The following TRMT9B variants were observed in gnomAD, a reference collection of about 807,000 sequenced individuals.
The protein encoded by TRMT9B is tRNA methyltransferase 9B (putative), also known as probable tRNA methyltransferase 9B.
Under a neutral mutation model 11.5 loss-of-function variants are expected in TRMT9B, and 16 were observed. That is an observed-to-expected ratio of 1.39 (90% CI 0.94 to 2.11). The LOEUF (loss-of-function observed/expected upper bound fraction) is 2.11, where lower values mean the gene tolerates loss of function less well. Ranked by LOEUF, TRMT9B falls within the 30% of genes most tolerant of loss-of-function variation. TRMT9B has a pLI of 0.00. For synonymous variants in TRMT9B, 274 were observed against 192.4 expected, an observed-to-expected ratio of 1.42 and a Z score of -3.51; for missense variants, 941 against 553.8, an observed-to-expected ratio of 1.70 and a Z score of -7.02.
intron 2 of TRMT9B, among the ~76,000 whole-genome samples, chr8:12,994,472 C>T (rs963239369): frequency 3.3e-5 from 5 of 152,186 alleles, no homozygotes; most frequent in Non-Finnish European, 7.3e-5. Flanking sequence ...TTCCTTTCTT[C>T]CCTTCGGTAG....
intron 1 of TRMT9B, among the ~76,000 whole-genome samples, chr8:12,975,597 G>C (rs751081928): frequency 6.6e-6 from 1 of 152,060 alleles, no homozygotes; most frequent in Non-Finnish European, 1.5e-5. Flanking sequence ...AATTAGCTGG[G>C]TATGGTGGCA....
intron 2 of TRMT9B, among the ~76,000 whole-genome samples, chr8:12,993,704 T>A (rs1475531150): frequency 6.6e-6 from 1 of 152,260 alleles, no homozygotes; most frequent in Admixed American, 6.5e-5. Flanking sequence ...CCAGTCAGAG[T>A]CCCTTCATCC....
intron 3 of TRMT9B, chr8:13,011,706 G>C: frequency 1.0e-6 from 1 of 977,470 alleles, no homozygotes; most frequent in Non-Finnish European, 1.2e-6. Context: ...GAATTACTTA[G>C]GTCTCTGCTA....
intron 3 of TRMT9B, chr8:13,007,261 C>T (rs904268419): frequency 2.6e-5 from 4 of 152,132 alleles, no homozygotes; most frequent in African/African-American, 9.7e-5. Flanking sequence ...TATAGGAGCG[C>T]ATCTTTAATT....
chr8:13,008,150 C>T (rs1810850500), intron 3 of TRMT9B, among the ~76,000 whole-genome samples: 1 of 152,106 alleles, frequency 6.6e-6, no homozygotes, highest in Non-Finnish European at 1.5e-5. Flanking sequence ...TTAAAGACAC[C>T]TTCTTTACTA....
chr8:12,990,227 G>C (rs1241960630), intron 1 of TRMT9B, among the ~76,000 whole-genome samples: 2 of 152,116 alleles, frequency 1.3e-5, no homozygotes, highest in African/African-American at 2.4e-5. Flanking sequence ...TAGGGTCCAA[G>C]GTGTTATAGG....
chr8:13,009,940 A>G (rs1216724978), intron 3 of TRMT9B, among the ~76,000 whole-genome samples: 1 of 152,092 alleles, frequency 6.6e-6, no homozygotes, highest in Non-Finnish European at 1.5e-5. Flanking sequence ...CAGCCTGGAA[A>G]ACATGGTGAA....
intron 3 of TRMT9B, 84 bp from the exon 4 acceptor site, chr8:13,012,600 A>G: frequency 1.4e-6 from 2 of 1,448,980 alleles, no homozygotes; most frequent in Non-Finnish European, 1.9e-6. Context: ...ATAAAAGGTT[A>G]ATTATATTTC....
chr8:12,965,684 A>G (rs1485317344), intron 1 of TRMT9B, among the ~76,000 whole-genome samples: 1 of 152,008 alleles, frequency 6.6e-6, no homozygotes, highest in Non-Finnish European at 1.5e-5. Context: ...TTGTGGAGAC[A>G]GGCACAATGA....
chr8:13,021,293 A>T lies in TRMT9B; in HGVS notation c.614A>T (p.Glu205Val). The T allele has an allele frequency of 6.2e-7, 1 of 1,614,004 alleles. No individual in the cohort carries two copies. The highest frequency in any genetic ancestry group is 8.5e-7 in the Non-Finnish European group (1 of 1,179,880). ...TGTAGCTGTTCTGTTTGTTTTAAAGAGCAGTGTGGTTCAAAACGGTCCCAC... is the reference window on the plus strand; with the variant it reads ...TGTAGCTGTTCTGTTTGTTTTAAAGTGCAGTGTGGTTCAAAACGGTCCCAC... The part of the protein sequence containing the change: ...SECSCSVCFK[E>V]QCGSKRSHSV... Residue 205 changes from glutamate (E) to valine (V), a missense_variant, in exon 5 of 5, where the codon GAG (glutamate) becomes GTG (valine). Coordinates refer to ENST00000524591, the MANE Select transcript of TRMT9B (RefSeq NM_020844.3).
chr8:12,985,016 G>A (rs959854878), intron 1 of TRMT9B, among the ~76,000 whole-genome samples: 9 of 150,948 alleles, frequency 6.0e-5, no homozygotes, highest in African/African-American at 2.2e-4. Flanking sequence ...CCACCCAGAT[G>A]TTATCATGTT....
intron 2 of TRMT9B, among the ~76,000 whole-genome samples, chr8:12,992,474 G>T (rs775114980): frequency 5.3e-4 from 81 of 152,084 alleles, no homozygotes; most frequent in Admixed American, 1.4e-3. Context: ...GGAGGTGTAG[G>T]TTCTAGACTT....
intron 1 of TRMT9B, among the ~76,000 whole-genome samples, chr8:12,954,867 G>A (rs1175933578): frequency 6.6e-6 from 1 of 152,138 alleles, no homozygotes; most frequent in African/African-American, 2.4e-5. Flanking sequence ...CATTTTAAGA[G>A]TTTGAACTAG....
intron 1 of TRMT9B, among the ~76,000 whole-genome samples, chr8:12,970,663 T>A (rs1168446702): frequency 6.6e-6 from 1 of 152,202 alleles, no homozygotes; most frequent in Non-Finnish European, 1.5e-5. Flanking sequence ...TGGATTAAGG[T>A]CCTAAAAATA....
intron 1 of TRMT9B, among the ~76,000 whole-genome samples, chr8:12,963,100 A>C (rs10109878): frequency 3.9e-5 from 6 of 152,202 alleles, no homozygotes; most frequent in Non-Finnish European, 8.8e-5. Context: ...ATATTTTTAC[A>C]TGGAGCTTTT....
In TRMT9B at chr8:13,019,131, C is replaced by T. The variant is rs150640838; in HGVS notation, c.329-1877C>T. 1.5e-4 allele frequency among the ~76,000 whole-genome samples: 23 copies of T among 151,810 alleles called. No individual in the cohort carries two copies. The East Asian group carries it at 2.1e-3, about 14-fold the overall frequency. On this transcript the variant is annotated intron_variant, in intron 4 of 4. Coordinates refer to ENST00000524591, the MANE Select transcript of TRMT9B (RefSeq NM_020844.3). The stretch of plus-strand genomic sequence containing the variant: ...AATTTGGGGAGTATTGATTTGGGGG[C>T]GATTTGTTATCAAGTGGGCAAATTC...
chr8:12,969,631 A>G (rs957347169), intron 1 of TRMT9B, among the ~76,000 whole-genome samples: 55 of 151,486 alleles, frequency 3.6e-4, no homozygotes, highest in African/African-American at 1.3e-3. Flanking sequence ...TTTTCCTAAT[A>G]TTTTTTCTTT....
In TRMT9B at chr8:12,994,759, G is replaced by A. The variant is rs574998009; in HGVS notation, c.-2+3728G>A. On this transcript the variant is annotated intron_variant, in intron 2 of 4. Transcript: ENST00000524591. ...TGCAGTGGCACGATCTCAGCTCACT[G>A]CAACCTCCGCCTTTCGGGTTCAAGC... is the stretch of plus-strand genomic sequence containing the variant. Among the ~76,000 whole-genome samples, 508 of 152,268 alleles carry A rather than the reference G, an allele frequency of 3.3e-3. 5 individuals carry two copies. The highest frequency in any genetic ancestry group is 0.011 in the African/African-American group (469 of 41,562).
At chr8:12,980,194 C>A (rs2049145) in intron 1 of TRMT9B, among the ~76,000 whole-genome samples, 3 of 151,870 alleles carry the variant, frequency 2.0e-5, no homozygotes, top group Admixed American at 6.6e-5. Context: ...GGCCTGCTCC[C>A]TTTGAATTCT....
Sources: allele counts gnomAD v4.1 joint callset (sites outside exome capture counted in the v4.1 genomes callset), GRCh38; gene constraint gnomAD v4.1.1; transcripts MANE v1.5; gene names NCBI Gene and HGNC (gene_info 2026-07-23, HGNC 2026-07-21).